IL23R: variants seen among roughly 807,000 people sequenced by gnomAD.
The protein encoded by IL23R is interleukin 23 receptor, also known as interleukin-23 receptor.
IL23R carries 34 observed loss-of-function variants against 56.9 expected under a neutral mutation model. The observed-to-expected ratio is 0.60, with a 90% confidence interval of 0.45 to 0.80. The LOEUF is 0.80. IL23R is among the 30% of genes least tolerant of loss of function. The pLI is 0.00. For missense variants in IL23R, 635 were observed against 730.0 expected (o/e 0.87, Z 1.50); for synonymous variants, 230 against 249.2 (o/e 0.92, Z 0.73).
At chr1:67,219,354 C>T (rs150928268) in intron 6 of IL23R, among the ~76,000 whole-genome samples, 7,272 of 152,048 alleles carry the variant, frequency 0.048, 582 homozygotes, top group African/African-American at 0.17. Flanking sequence ...GGCAATAGAG[C>T]GAGACTCCAT....
chr1:67,229,033 C>G (rs571048819), intron 7 of IL23R, among the ~76,000 whole-genome samples: 1 of 152,202 alleles, frequency 6.6e-6, no homozygotes, highest in Non-Finnish European at 1.5e-5. Context: ...TTCTCCCCCT[C>G]AGCAACAAAT....
chr1:67,194,276 G>A (rs1401267390), intron 4 of IL23R, among the ~76,000 whole-genome samples: 1 of 152,002 alleles, frequency 6.6e-6, no homozygotes, highest in Admixed American at 6.6e-5. Flanking sequence ...AGATGGGGGT[G>A]GGTAAAGGGC....
chr1:67,179,476 T>C (rs1647058791), intron 3 of IL23R, among the ~76,000 whole-genome samples: 1 of 152,148 alleles, frequency 6.6e-6, no homozygotes. Flanking sequence ...CCCTGTATCA[T>C]TTTTTATTGC....
chr1:67,210,149 T>C (rs906779344), intron 6 of IL23R, among the ~76,000 whole-genome samples: 6 of 152,124 alleles, frequency 3.9e-5, no homozygotes, highest in African/African-American at 9.7e-5. Context: ...AAAAATGAGT[T>C]TAAAAAAGTG....
chr1:67,227,565 CA>C (rs1650702835), intron 7 of IL23R, among the ~76,000 whole-genome samples: 2 of 151,838 alleles, frequency 1.3e-5, no homozygotes, highest in African/African-American at 4.8e-5. Context: ...ATTAATTTTT[CA>C]GGTTTTTAAG....
chr1:67,159,665 G>A (rs1352275119), intron 1 of IL23R, among the ~76,000 whole-genome samples: 1 of 152,206 alleles, frequency 6.6e-6, no homozygotes, highest in East Asian at 1.9e-4. Flanking sequence ...GGCTGAGGCT[G>A]GAGGATCCCT....
chr1:67,206,823 A>C (rs1009407277), intron 5 of IL23R, 87 bp from the exon 6 acceptor site: 13 of 1,323,324 alleles, frequency 9.8e-6, no homozygotes, highest in Admixed American at 2.6e-5. Context: ...GAGCTTTCTC[A>C]TATCTAGATA....
intron 3 of IL23R, among the ~76,000 whole-genome samples, chr1:67,180,716 G>A (rs575223260): frequency 2.0e-5 from 3 of 152,166 alleles, no homozygotes; most frequent in Admixed American, 6.5e-5. Flanking sequence ...TCCTAGCCTC[G>A]ATGGTCTTTA....
intron 3 of IL23R, among the ~76,000 whole-genome samples, chr1:67,170,451 T>C (rs188482010): frequency 2.5e-4 from 38 of 152,312 alleles, no homozygotes; most frequent in Non-Finnish European, 5.0e-4. Flanking sequence ...GGAATAATTA[T>C]TAATTTATTT....
intron 4 of IL23R, among the ~76,000 whole-genome samples, chr1:67,192,784 C>A (rs1377946928): frequency 6.6e-6 from 1 of 152,120 alleles, no homozygotes; most frequent in Non-Finnish European, 1.5e-5. Context: ...AATGACCTCA[C>A]CACCTACACT....
intron 10 of IL23R, among the ~76,000 whole-genome samples, chr1:67,256,385 T>G (rs970193819): frequency 2.0e-5 from 3 of 152,114 alleles, no homozygotes; most frequent in Non-Finnish European, 4.4e-5. Flanking sequence ...AAAAGCAATG[T>G]GAGAGAACTG....
chr1:67,195,245 C>T lies in IL23R; in HGVS notation c.492-5492C>T, dbSNP rs546364338. 5.3e-5 allele frequency among the ~76,000 whole-genome samples: 8 copies of T among 152,236 alleles called. No homozygotes were observed. In the East Asian group the frequency reaches 1.5e-3, roughly 29 times the overall value. ...ACAGGGTTTCACCACGTTGGCCAGG[C>T]TAGTCTCAAACTCCTGACCTCAAGT... is the stretch of plus-strand genomic sequence containing the variant. On this transcript the variant is annotated intron_variant, in intron 4 of 10. Transcript: ENST00000347310.
At chr1:67,166,899 G>A (rs17129680) in intron 1 of IL23R, among the ~76,000 whole-genome samples, 3,426 of 152,106 alleles carry the variant, frequency 0.023, 44 homozygotes, top group Middle Eastern at 0.041. Context: ...CATGCATTGC[G>A]TTCTCTTGTA....
chr1:67,171,970 T>C (rs923548507), intron 3 of IL23R, among the ~76,000 whole-genome samples: 12 of 152,066 alleles, frequency 7.9e-5, no homozygotes, highest in Non-Finnish European at 1.8e-4. Flanking sequence ...TAGAAATACA[T>C]TCTCTGCCGA....
chr1:67,261,629 G>A (rs1182694314), downstream of IL23R, among the ~76,000 whole-genome samples: 1 of 152,006 alleles, frequency 6.6e-6, no homozygotes, highest in African/African-American at 2.4e-5. Flanking sequence ...TTTGCAAAAG[G>A]AGAATCATAA....
intron 6 of IL23R, among the ~76,000 whole-genome samples, chr1:67,209,279 A>C (rs145921845): frequency 0.017 from 2,552 of 152,232 alleles, 32 homozygotes; most frequent in South Asian, 0.039. Flanking sequence ...TTTGGGGGAC[A>C]ATTGGGAAGG....
chr1:67,231,403 G>A lies in IL23R; in HGVS notation c.956-5310G>A, dbSNP rs1328347598. On this transcript the variant is annotated intron_variant, in intron 7 of 10. Transcript: ENST00000347310. ...TAGTGCTTATTAAGGTTTTATTTGTGTAAAACATGGTACTAAGTGCTTGAT... is the reference window on the plus strand; with the variant it reads ...TAGTGCTTATTAAGGTTTTATTTGTATAAAACATGGTACTAAGTGCTTGAT... Among the ~76,000 whole-genome samples the A allele has an allele frequency of 2.0e-5, 3 of 152,168 alleles. No individual in the cohort carries two copies. The East Asian group carries it at 5.8e-4, about 29-fold the overall frequency.
At chr1:67,166,772 T>C (rs1646878191) in intron 1 of IL23R, among the ~76,000 whole-genome samples, 1 of 152,202 alleles carries the variant, frequency 6.6e-6, no homozygotes, top group African/African-American at 2.4e-5. Context: ...CTGTTGCTTC[T>C]TATGAAGAGA....
At chr1:67,142,422 C>T (rs928189027) in intron 1 of IL23R, among the ~76,000 whole-genome samples, 12 of 152,178 alleles carry the variant, frequency 7.9e-5, no homozygotes, top group African/African-American at 2.9e-4. Context: ...TGCTTCTCTA[C>T]TCTTTATTCC....
Sources: allele counts gnomAD v4.1 joint callset (sites outside exome capture counted in the v4.1 genomes callset), GRCh38; gene constraint gnomAD v4.1.1; transcripts MANE v1.5; gene names NCBI Gene and HGNC (gene_info 2026-07-23, HGNC 2026-07-21).